SEMA6D: variants seen among roughly 807,000 people sequenced by gnomAD.
SEMA6D encodes the protein semaphorin 6D.
SEMA6D carries 35 observed loss-of-function variants against 106.6 expected under a neutral mutation model. The observed-to-expected ratio is 0.33, with a 90% CI of 0.25 to 0.44. SEMA6D has a LOEUF of 0.44. Ranked by LOEUF, SEMA6D falls within the 20% of genes least tolerant of loss-of-function variation. SEMA6D has a pLI of 1.00. For synonymous variants in SEMA6D, 499 were observed against 487.7 expected, an observed-to-expected ratio of 1.02 and a Z score of -0.31; for missense variants, 1,185 against 1,345.9, an observed-to-expected ratio of 0.88 and a Z score of 1.87.
intron 1 of SEMA6D, among the ~76,000 whole-genome samples, chr15:47,743,034 C>T (rs2080909298): frequency 6.6e-6 from 1 of 152,112 alleles, no homozygotes; most frequent in Non-Finnish European, 1.5e-5. Flanking sequence ...TCTATGCCTC[C>T]CCAGGATGCC....
chr15:47,461,332 A>G (rs899844286), intron 2 of SEMA6D, among the ~76,000 whole-genome samples: 2 of 152,000 alleles, frequency 1.3e-5, no homozygotes, highest in Non-Finnish European at 2.9e-5. Flanking sequence ...GTCTCCCCAC[A>G]GCCACTGCCA....
At chr15:47,329,980 C>T (rs2037279827) in intron 1 of SEMA6D, among the ~76,000 whole-genome samples, 1 of 152,200 alleles carries the variant, frequency 6.6e-6, no homozygotes, top group African/African-American at 2.4e-5. Flanking sequence ...CAGATTAAAA[C>T]CGTGCTAAAC....
intron 2 of SEMA6D, among the ~76,000 whole-genome samples, chr15:47,461,990 A>G (rs1411197133): frequency 6.6e-6 from 1 of 152,022 alleles, no homozygotes; most frequent in African/African-American, 2.4e-5. Flanking sequence ...AAAATACTGA[A>G]TATTTCATAA....
chr15:47,384,817 T>TTTTTG (rs780258385), intron 1 of SEMA6D, among the ~76,000 whole-genome samples: 5,292 of 62,110 alleles, frequency 0.085, 270 homozygotes, highest in African/African-American at 0.21. Context: ...TACTAAAGTT[T>TTTTTG]TTTTTTTTTT....
chr15:47,687,935 C>T (rs1475398145), intron 4 of SEMA6D, among the ~76,000 whole-genome samples: 3 of 152,052 alleles, frequency 2.0e-5, no homozygotes, highest in African/African-American at 7.2e-5. Flanking sequence ...AAATTTAGGA[C>T]ATGTAGAATT....
At chr15:47,627,625 T>A (rs1488215599) in intron 4 of SEMA6D, among the ~76,000 whole-genome samples, 2 of 152,194 alleles carry the variant, frequency 1.3e-5, no homozygotes, top group Non-Finnish European at 2.9e-5. Flanking sequence ...TTATTTTTAA[T>A]TAAACTTTTC....
intron 1 of SEMA6D, among the ~76,000 whole-genome samples, chr15:47,282,795 T>C (rs949215648): frequency 6.6e-6 from 1 of 152,174 alleles, no homozygotes; most frequent in Non-Finnish European, 1.5e-5. Context: ...CCTTTGTCAT[T>C]GTTCCTGACA....
At chr15:47,196,513 C>T (rs565032070) in intron 1 of SEMA6D, among the ~76,000 whole-genome samples, 3 of 152,246 alleles carry the variant, frequency 2.0e-5, no homozygotes, top group South Asian at 2.1e-4. Context: ...GCAGTTTTAA[C>T]GTTTTTTCAG....
At chr15:47,513,953 C>T (rs1273176979) in intron 3 of SEMA6D, among the ~76,000 whole-genome samples, 1 of 152,210 alleles carries the variant, frequency 6.6e-6, no homozygotes, top group African/African-American at 2.4e-5. Flanking sequence ...AGTCGTTGAC[C>T]ATTCGCAGGA....
At chr15:47,550,937 G>A (rs2045667047) in intron 3 of SEMA6D, among the ~76,000 whole-genome samples, 2 of 152,122 alleles carry the variant, frequency 1.3e-5, no homozygotes, top group Admixed American at 1.3e-4. Flanking sequence ...ATTTTCAGAA[G>A]TGCACATTTG....
chr15:47,768,582 C>T lies in SEMA6D; in HGVS notation c.1767C>T (p.Asp589=), dbSNP rs1357614145. 3.7e-6 allele frequency: 6 copies of T among 1,608,174 alleles called. No homozygotes were observed. The highest frequency in any genetic ancestry group is 4.3e-6 in the Non-Finnish European group (5 of 1,176,274). ...DYKIFGGPTS[D]MEVSSSSVTT... is the part of the protein sequence containing the mutation. ...ATAAAAATCTGTTTGCCACCACAGACATGGAGGTATCTTCATCTTCTGTTA... is the reference window on the plus strand; with the variant it reads ...ATAAAAATCTGTTTGCCACCACAGATATGGAGGTATCTTCATCTTCTGTTA... Residue 589 remains aspartate (D), a splice_region_variant and synonymous_variant, in exon 18 of 19, where the codon GAC becomes GAT. Transcript: ENST00000536845.
intron 2 of SEMA6D, among the ~76,000 whole-genome samples, chr15:47,466,064 T>C (rs959702712): frequency 2.6e-5 from 4 of 152,178 alleles, no homozygotes; most frequent in Non-Finnish European, 4.4e-5. Flanking sequence ...ATTCAAGGTA[T>C]GCAAAATGAT....
chr15:47,670,763 C>T (rs908976575), intron 4 of SEMA6D, among the ~76,000 whole-genome samples: 5 of 152,180 alleles, frequency 3.3e-5, no homozygotes, highest in African/African-American at 1.2e-4. Context: ...CTATTAAATT[C>T]CCAAGTCCAG....
chr15:47,328,814 G>A (rs1430491676), intron 1 of SEMA6D, among the ~76,000 whole-genome samples: 1 of 152,214 alleles, frequency 6.6e-6, no homozygotes, highest in Non-Finnish European at 1.5e-5. Flanking sequence ...GAGAGATGGT[G>A]ATGGAGTCCA....
intron 1 of SEMA6D, among the ~76,000 whole-genome samples, chr15:47,185,974 ATG>A (rs913806895): frequency 6.6e-6 from 1 of 152,034 alleles, no homozygotes; most frequent in Non-Finnish European, 1.5e-5. Flanking sequence ...TTTCTTATAT[ATG>A]TGTGTATATA....
At chr15:47,750,178 C>T (rs371855495) in intron 1 of SEMA6D, among the ~76,000 whole-genome samples, 1 of 151,958 alleles carries the variant, frequency 6.6e-6, no homozygotes, top group African/African-American at 2.4e-5. Flanking sequence ...GCCTCAAGGT[C>T]AGGGGAATGG....
At chr15:47,728,667 C>A (rs1400169431) in intron 1 of SEMA6D, among the ~76,000 whole-genome samples, 3 of 152,224 alleles carry the variant, frequency 2.0e-5, no homozygotes, top group Non-Finnish European at 4.4e-5. Flanking sequence ...GGTCAGAAGT[C>A]TGAAACGGGT....
intron 1 of SEMA6D, among the ~76,000 whole-genome samples, chr15:47,236,554 G>A (rs1389333731): frequency 6.6e-6 from 1 of 152,144 alleles, no homozygotes. Context: ...ACCATACTGT[G>A]GAAGAGGGGT....
At chr15:47,396,169 C>G (rs140084545) in intron 1 of SEMA6D, among the ~76,000 whole-genome samples, 220 of 152,222 alleles carry the variant, frequency 1.4e-3, no homozygotes, top group African/African-American at 5.2e-3. Context: ...GACTTCCAGT[C>G]TCCAGGACTA....
Sources: gnomAD v4.1 joint callset for allele counts (sites outside exome capture counted in the v4.1 genomes callset) on GRCh38, gnomAD v4.1.1 for gene constraint, MANE v1.5 for transcripts, NCBI Gene and HGNC (gene_info 2026-07-23, HGNC 2026-07-21) for gene names.